Variants in PDE9A observed in about 807,000 individuals in gnomAD.
PDE9A encodes high affinity cGMP-specific 3',5'-cyclic phosphodiesterase 9A.
A neutral mutation model predicts 87.4 loss-of-function variants in PDE9A; 60 were observed. The ratio of observed to expected loss-of-function variants is 0.69; its 90% CI spans 0.56 to 0.85. The LOEUF is 0.85. PDE9A is among the 40% of genes least tolerant of loss of function. The pLI is 0.00. For synonymous variants in PDE9A, 272 were observed against 279.4 expected (o/e 0.97, Z 0.27); for missense variants, 665 against 779.0 (o/e 0.85, Z 1.74).
At position 42,694,200 on chromosome 21, in the gene PDE9A, TGGTTGGTTGGTG is replaced by T. The variant is rs2060027430; in HGVS notation, c.219-4757_219-4746del. Among the ~76,000 whole-genome samples, 1 of 152,300 alleles carries T rather than the reference TGGTTGGTTGGTG, an allele frequency of 6.6e-6. No individual in the cohort carries two copies. Among genetic ancestry groups the T allele is most frequent in the Admixed American group, 6.5e-5 (1 of 15,290 alleles). ...GAAGCTACGTCAGCAGTTGGTTGGT[TGGTTGGTTGGTG>T]GGTTGGTTGGGTTGTGTCTCTCTTT... On this transcript the variant is annotated intron_variant, in intron 3 of 19. Transcript: ENST00000291539. This position sits in a 1 kb window ranked among gnomAD's most constrained non-coding sequence, Gnocchi z 5.3.
At position 42,667,610 on chromosome 21, in the gene PDE9A, C is replaced by T. The variant is rs1224341906; in HGVS notation, c.69+13727C>T. Among the ~76,000 whole-genome samples the T allele has an allele frequency of 6.6e-5, 10 of 152,124 alleles. 1 individual carries two copies. Among genetic ancestry groups the T allele is most frequent in the African/African-American group, 4.8e-5 (2 of 41,414 alleles). ...TTCTCAGATGGTCTTGGACTGTCTC[C>T]GCTCACAGGAGTTGCAGGTTTTTGG... On this transcript the variant is annotated intron_variant, in intron 1 of 19. Coordinates refer to ENST00000291539, the MANE Select transcript of PDE9A (RefSeq NM_002606.3).
At chr21:42,679,032 A>G (rs1190295913) in intron 1 of PDE9A, among the ~76,000 whole-genome samples, 1 of 152,246 alleles carries the variant, frequency 6.6e-6, no homozygotes, top group African/African-American at 2.4e-5. Context: ...CCTTTCAGAT[A>G]AAAACACACA....
intron 1 of PDE9A, among the ~76,000 whole-genome samples, chr21:42,673,209 G>A (rs1480580792): frequency 1.3e-5 from 2 of 152,170 alleles, no homozygotes; most frequent in Middle Eastern, 3.2e-3. Flanking sequence ...GGTAGGAGGA[G>A]GGACTGGAAC....
intron 15 of PDE9A, among the ~76,000 whole-genome samples, chr21:42,767,307 G>T (rs1267717722): frequency 6.6e-6 from 1 of 152,154 alleles, no homozygotes. Context: ...TGCTGCCCTG[G>T]CCCTGCCCTA....
At chr21:42,670,392 TCACAAACATTCA>T (rs1569118275) in intron 1 of PDE9A, among the ~76,000 whole-genome samples, 2 of 94,886 alleles carry the variant, frequency 2.1e-5, no homozygotes. Context: ...ACATTTACAT[TCACAAACATTCA>T]CACATACATT....
intron 15 of PDE9A, among the ~76,000 whole-genome samples, chr21:42,767,047 C>G (rs569411820): frequency 1.9e-4 from 29 of 152,118 alleles, no homozygotes; most frequent in Non-Finnish European, 3.8e-4. Flanking sequence ...TTTATCCCAA[C>G]GACCTGCACC....
intron 16 of PDE9A, 160 bp from the exon 17 acceptor site, chr21:42,768,867 G>A (rs2056641456): frequency 2.0e-6 from 2 of 985,074 alleles, no homozygotes; most frequent in Non-Finnish European, 2.4e-6. Flanking sequence ...GTTTAGCACT[G>A]AAGATAGGGT....
chr21:42,720,106 G>A (rs967802761), intron 4 of PDE9A, among the ~76,000 whole-genome samples: 1 of 152,166 alleles, frequency 6.6e-6, no homozygotes, highest in Non-Finnish European at 1.5e-5. Context: ...AATGGACAAA[G>A]TCCCAGCAGC....
chr21:42,770,752 G>A lies in PDE9A; in HGVS notation c.1640G>A (p.Arg547Gln), dbSNP rs2056952008. ...ATGCTGCAGCCACTTTGGGAATCCCGAGATCGCTACGAGGAGCTGAAGCGG... is the reference window on the plus strand; with the variant it reads ...ATGCTGCAGCCACTTTGGGAATCCCAAGATCGCTACGAGGAGCTGAAGCGG... Reference protein sequence around the residue: ...EIMLQPLWESRDRYEELKRID... With the variant: ...EIMLQPLWESQDRYEELKRID... Residue 547 changes from arginine (R) to glutamine (Q), a missense_variant, in exon 18 of 20, where the codon CGA (arginine) becomes CAA (glutamine). Transcript: ENST00000291539. The A allele has an allele frequency of 3.7e-6, 6 of 1,614,142 alleles. No homozygotes were observed. Among genetic ancestry groups the A allele is most frequent in the African/African-American group, 1.3e-5 (1 of 75,054 alleles).
chr21:42,670,905 T>C (rs1601948327), intron 1 of PDE9A, among the ~76,000 whole-genome samples: 1 of 152,174 alleles, frequency 6.6e-6, no homozygotes, highest in East Asian at 1.9e-4. Flanking sequence ...TCTCTAGTTA[T>C]ACTTCCCATC....
At chr21:42,718,790 C>G (rs777134718) in intron 4 of PDE9A, among the ~76,000 whole-genome samples, 4 of 151,790 alleles carry the variant, frequency 2.6e-5, no homozygotes, top group Non-Finnish European at 5.9e-5. Flanking sequence ...ATGATTTTCT[C>G]TTGGCCATGG....
intron 4 of PDE9A, among the ~76,000 whole-genome samples, chr21:42,729,224 C>T (rs1396788941): frequency 6.6e-6 from 1 of 152,172 alleles, no homozygotes; most frequent in Non-Finnish European, 1.5e-5. Flanking sequence ...TGTAGTACCT[C>T]ATGCTTCTCT....
intron 4 of PDE9A, among the ~76,000 whole-genome samples, chr21:42,708,107 A>G (rs577128325): frequency 6.6e-6 from 1 of 152,300 alleles, no homozygotes; most frequent in East Asian, 1.9e-4. Context: ...AATATTGTCT[A>G]TTTCAGTGCA....
rs374658937 is a variant in PDE9A, at chr21:42,677,810, T to G, written c.70-8382T>G. The stretch of plus-strand genomic sequence containing the variant: ...GGCACATGCCCCCACGCCCAGCTAA[T>G]TTTTGTATTTTTAGTAGAGATGGGA... On this transcript the variant is annotated intron_variant, in intron 1 of 19. Transcript: ENST00000291539. Among the ~76,000 whole-genome samples, 5 of 152,274 alleles carry G rather than the reference T, an allele frequency of 3.3e-5. No individual in the cohort carries two copies. In the East Asian group the frequency reaches 7.7e-4, roughly 24 times the overall value.
intron 1 of PDE9A, among the ~76,000 whole-genome samples, chr21:42,669,816 G>A (rs1301828928): frequency 6.6e-6 from 1 of 152,176 alleles, no homozygotes; most frequent in Non-Finnish European, 1.5e-5. Flanking sequence ...GGAATGAAGA[G>A]GTTCAGGAAC....
At chr21:42,745,996 T>C (rs1212188383) in intron 8 of PDE9A, among the ~76,000 whole-genome samples, 1 of 152,202 alleles carries the variant, frequency 6.6e-6, no homozygotes, top group Non-Finnish European at 1.5e-5. Context: ...CCCACAACTG[T>C]GTGTCCCTGA....
intron 1 of PDE9A, among the ~76,000 whole-genome samples, chr21:42,670,622 C>T (rs748667702): frequency 1.1e-4 from 17 of 150,668 alleles, no homozygotes; most frequent in Admixed American, 9.9e-4. Context: ...CTATCACATT[C>T]ACACACACAT....
At chr21:42,730,473 A>AAAATGCATAAGAAAAAGGGG (rs2051613212) in intron 4 of PDE9A, among the ~76,000 whole-genome samples, 1 of 152,186 alleles carries the variant, frequency 6.6e-6, no homozygotes. Flanking sequence ...TTAATTATAG[A>AAAATGCATAAGAAAAAGGGG]AAATGCATAA....
chr21:42,693,849 C>T (rs1277130361), intron 3 of PDE9A, among the ~76,000 whole-genome samples: 5 of 152,082 alleles, frequency 3.3e-5, no homozygotes, highest in African/African-American at 1.2e-4. Context: ...ACCTCAGCCT[C>T]CCAAAGTGCT....
Sources: allele counts gnomAD v4.1 joint callset (sites outside exome capture counted in the v4.1 genomes callset), GRCh38; gene constraint gnomAD v4.1.1; non-coding constraint Gnocchi (gnomAD v3.1); transcripts MANE v1.5; gene names NCBI Gene and HGNC (gene_info 2026-07-23, HGNC 2026-07-21).